The following ARHGAP4 variants were observed in gnomAD, a reference collection of about 807,000 sequenced individuals.
The protein encoded by ARHGAP4 is Rho GTPase activating protein 4.
Under a neutral mutation model 67.6 loss-of-function variants are expected in ARHGAP4, and 25 were observed. That is an observed-to-expected ratio of 0.37 (90% confidence interval 0.27 to 0.52). The LOEUF (loss-of-function observed/expected upper bound fraction) is 0.52. ARHGAP4 is among the 20% of genes least tolerant of loss of function. The pLI, the probability that ARHGAP4 is intolerant of heterozygous loss-of-function variation, is 0.92. For synonymous variants in ARHGAP4, 448 were observed against 373.7 expected, an observed-to-expected ratio of 1.20 and a Z score of -2.29; for missense variants, 804 against 854.6, an observed-to-expected ratio of 0.94 and a Z score of 0.74.
In ARHGAP4 at chrX:153,909,869, G is replaced by C. The variant is rs1349617124; in HGVS notation, c.2286C>G (p.Ala762=). 1.1e-5 allele frequency: 13 copies of C among 1,203,205 alleles called. No individual in the cohort carries two copies. In the African/African-American group the frequency reaches 1.7e-4, roughly 16 times the overall value. Residue 762 remains alanine (A), a synonymous_variant, in exon 19 of 22, where the codon GCC becomes GCG. Coordinates refer to ENST00000350060, the MANE Select transcript of ARHGAP4 (RefSeq NM_001666.5). ...CCCCCCGCCGGAAGCTCAGCTCCTG[G>C]GCTGTGCGGCCCGTGTAGGCAAAGC... ...VACFAYTGRT[A]QELSFRRGDV...
chrX:153,909,705 C>T (rs1557102292), intron 19 of ARHGAP4, 36 bp downstream of exon 19: 8 of 1,155,889 alleles, frequency 6.9e-6, no homozygotes, highest in African/African-American at 1.8e-5. Context: ...GGGGAGACTC[C>T]GGGAGCCCTG....
intron 3 of ARHGAP4, 84 bp from the exon 4 acceptor site, chrX:153,921,243 T>C: frequency 8.5e-7 from 1 of 1,175,136 alleles, no homozygotes; most frequent in Non-Finnish European, 1.1e-6. Flanking sequence ...TCAAGCCCCA[T>C]CGGGGGGGCA....
intron 15 of ARHGAP4, 24 bp downstream of exon 15, chrX:153,910,676 G>A (rs782305897): frequency 3.4e-5 from 40 of 1,186,486 alleles, no homozygotes; most frequent in East Asian, 1.5e-4. Context: ...GCCCTACCCC[G>A]CCAGCCTCAG....
chrX:153,909,451 C>T lies in ARHGAP4; in HGVS notation c.2499G>A (p.Leu833=), dbSNP rs1557102158. The change falls in exon 20 of 22, where the codon CTG becomes CTA. Residue 833 remains leucine (L), a synonymous_variant. Coordinates refer to ENST00000350060, the MANE Select transcript of ARHGAP4 (RefSeq NM_001666.5). ...SSPEGLLASE[L]VHRPEPCTSP... ...CCCGTCTTCTTGCTCACCGGTGGAC[C>T]AGCTCCGATGCCAGGAGGCCCTCGG... 8.3e-7 allele frequency: 1 copy of T among 1,200,971 alleles called. No individual in the cohort carries two copies. Among genetic ancestry groups the T allele is most frequent in the East Asian group, 3.0e-5 (1 of 33,756 alleles).
At chrX:153,913,105 T>C in intron 10 of ARHGAP4, 54 bp from the exon 11 acceptor site, 1 of 1,169,245 alleles carries the variant, frequency 8.6e-7, no homozygotes, top group African/African-American at 1.8e-5. Context: ...CTTCAAGGCA[T>C]CCCAGAGAGA....
Position 153,921,532 on chromosome X carries a change from G to T in ARHGAP4, c.273-5C>A, listed in dbSNP as rs782559814. On this transcript the variant is annotated splice_region_variant and splice_polypyrimidine_tract_variant and intron_variant, in intron 2 of 21. Coordinates refer to ENST00000350060, the MANE Select transcript of ARHGAP4 (RefSeq NM_001666.5). Reference sequence around the variant, plus strand: ...GACAGGAGGGACGGCTCCTTCCTGGGGGTAGAGGGGCACTGAGACCTGGGA... The same window carrying T: ...GACAGGAGGGACGGCTCCTTCCTGGTGGTAGAGGGGCACTGAGACCTGGGA... 1.0e-5 allele frequency: 12 copies of T among 1,195,913 alleles called. No homozygotes were observed. The highest frequency in any genetic ancestry group is 1.2e-5 in the Non-Finnish European group (11 of 887,167).
chrX:153,915,772 G>GC (rs1358264517), intron 7 of ARHGAP4, among the ~76,000 whole-genome samples: 5 of 111,937 alleles, frequency 4.5e-5, no homozygotes, highest in African/African-American at 1.6e-4. Flanking sequence ...GGACAACAGA[G>GC]CCAGACCCTC....
chrX:153,919,782 T>C (rs985903831), intron 5 of ARHGAP4: 25 of 724,607 alleles, frequency 3.5e-5, no homozygotes, highest in Non-Finnish European at 9.1e-6. Context: ...TGGCACTCTA[T>C]TTTTTTTTTA....
At chrX:153,909,589 A>G in intron 19 of ARHGAP4, 54 bp from the exon 20 acceptor site, 1 of 998,579 alleles carries the variant, frequency 1.0e-6, no homozygotes, top group Non-Finnish European at 1.3e-6. Context: ...CACGGGGTCC[A>G]GGGCCAGCAG....
intron 1 of ARHGAP4, 41 bp downstream of exon 1, chrX:153,926,093 TTC>T: frequency 1.7e-6 from 2 of 1,191,645 alleles, no homozygotes; most frequent in South Asian, 3.6e-5. Flanking sequence ...CGACCTTGGG[TTC>T]TCCGCAGGAA....
rs3213439 is a variant in ARHGAP4 at position 153,909,852 on chromosome X, C to T, written c.2303G>A (p.Arg768Gln). 1.4e-4 allele frequency: 165 copies of T among 1,202,073 alleles called. 1 individual carries two copies. The East Asian group carries it at 3.0e-3, about 22-fold the overall frequency. The change falls in exon 19 of 22, where the codon CGG becomes CAG. Residue 768 changes from arginine (R) to glutamine (Q), a missense_variant. Around this residue, in one of 2 missense-constraint regions of ARHGAP4, gnomAD observed 400 missense variants for 348.7 expected, o/e 1.15. Transcript: ENST00000350060. ...GTGCAGCCGCAGTACGTCCCCCCGCCGGAAGCTCAGCTCCTGGGCTGTGCG... is the reference window on the plus strand; with the variant it reads ...GTGCAGCCGCAGTACGTCCCCCCGCTGGAAGCTCAGCTCCTGGGCTGTGCG... Reference protein sequence around the residue: ...TGRTAQELSFRRGDVLRLHER... With the variant: ...TGRTAQELSFQRGDVLRLHER...
Position 153,919,678 on chromosome X carries a change from G to A in ARHGAP4, c.682-395C>T, listed in dbSNP as rs782280292. On this transcript the variant is annotated intron_variant, in intron 5 of 21. Coordinates refer to ENST00000350060, the MANE Select transcript of ARHGAP4 (RefSeq NM_001666.5). ...TGGAAGCGGCCACAGGCCTCTGCGG[G>A]GGCCAGAGCTGAGGGGGAACGAGTA... 6.9e-6 allele frequency: 8 copies of A among 1,158,209 alleles called. No individual in the cohort carries two copies. The African/African-American group carries it at 1.4e-4, about 21-fold the overall frequency.
intron 13 of ARHGAP4, 58 bp downstream of exon 13, chrX:153,911,071 G>C: frequency 8.6e-7 from 1 of 1,162,944 alleles, no homozygotes; most frequent in South Asian, 1.9e-5. Context: ...TCCCATGCCA[G>C]GTGCTGGGAA....
In ARHGAP4 at chrX:153,910,756, C is replaced by T; in HGVS notation, c.1760G>A (p.Ser587Asn). ...TGGGGGGAAGAGTGGGGGCTCCAGG[C>T]TCCGGAAGTAGAGCTTCAGCACCCC... ...VAGVLKLYFR[S>N]LEPPLFPPDL... The change falls in exon 15 of 22, where the codon AGC (serine) becomes AAC (asparagine). Residue 587 changes from serine (S) to asparagine (N), a missense_variant. Transcript: ENST00000350060. 1 of 1,192,893 alleles carries T rather than the reference C, an allele frequency of 8.4e-7. No homozygotes were observed. Among genetic ancestry groups the T allele is most frequent in the Non-Finnish European group, 1.1e-6 (1 of 886,073 alleles).
intron 7 of ARHGAP4, among the ~76,000 whole-genome samples, chrX:153,915,164 AG>A (rs1299729768): frequency 1.4e-4 from 14 of 97,194 alleles, no homozygotes; most frequent in South Asian, 5.6e-4. Flanking sequence ...CACTCCTGTG[AG>A]GGGCCTCAAA....
chrX:153,925,706 G>A (rs782211374), intron 1 of ARHGAP4, among the ~76,000 whole-genome samples: 4 of 111,993 alleles, frequency 3.6e-5, no homozygotes, highest in East Asian at 5.6e-4. Context: ...GGACTGCAGT[G>A]GGGTTACGGC....
intron 7 of ARHGAP4, among the ~76,000 whole-genome samples, chrX:153,915,779 C>A (rs782138328): frequency 2.7e-5 from 3 of 111,523 alleles, no homozygotes; most frequent in Middle Eastern, 4.6e-3. Flanking sequence ...AGAGCCAGAC[C>A]CTCTCTCTAG....
chrX:153,912,621 C>T, intron 12 of ARHGAP4, 79 bp downstream of exon 12: 1 of 873,416 alleles, frequency 1.1e-6, no homozygotes, highest in Non-Finnish European at 1.6e-6. Context: ...CAGGCAGCTG[C>T]TCCGGCCACT....
intron 7 of ARHGAP4, among the ~76,000 whole-genome samples, chrX:153,918,337 A>C (rs2065069078): frequency 2.1e-5 from 2 of 93,709 alleles, no homozygotes; most frequent in Admixed American, 1.2e-4. Context: ...GGAGCTGGGA[A>C]CGGGAGGGGT....
Sources: gnomAD v4.1 joint callset for allele counts (sites outside exome capture counted in the v4.1 genomes callset) on GRCh38, gnomAD v4.1.1 for gene constraint, gnomAD v4.1.1 regional missense constraint, MANE v1.5 for transcripts, NCBI Gene and HGNC (gene_info 2026-07-23, HGNC 2026-07-21) for gene names.